SPOPL: variants seen among roughly 807,000 people sequenced by gnomAD.
SPOPL encodes speckle type BTB/POZ protein like.
In SPOPL, 23 loss-of-function variants were observed where a neutral mutation model predicts 53.8. The observed-to-expected ratio is 0.43, with a 90% CI of 0.31 to 0.61. SPOPL has a LOEUF of 0.61. Among genes scored for constraint, SPOPL ranks in the 20% least tolerant of loss-of-function variants. The pLI is 0.12. For synonymous variants in SPOPL, 164 were observed against 149.7 expected (o/e 1.10, Z -0.70); for missense variants, 442 against 466.9 (o/e 0.95, Z 0.49).
intron 1 of SPOPL, 111 bp downstream of exon 1, chr2:138,502,230 C>T (rs946010476): frequency 6.5e-6 from 1 of 152,842 alleles, no homozygotes. Context: ...ACTGCGCCCT[C>T]TGCTCTCTGG....
intron 1 of SPOPL, among the ~76,000 whole-genome samples, chr2:138,509,716 T>A (rs1304485441): frequency 2.6e-5 from 4 of 152,144 alleles, no homozygotes; most frequent in African/African-American, 9.7e-5. Context: ...TTATCACCAT[T>A]CCCCACCAGA....
At chr2:138,514,503 A>C (rs1684397337) in intron 1 of SPOPL, among the ~76,000 whole-genome samples, 1 of 152,182 alleles carries the variant, frequency 6.6e-6, no homozygotes, top group Admixed American at 6.5e-5. Context: ...TTCCTTTCAC[A>C]GATTCAAGCA....
chr2:138,503,715 TAAAC>T (rs1248577452), intron 1 of SPOPL, among the ~76,000 whole-genome samples: 17 of 152,316 alleles, frequency 1.1e-4, no homozygotes, highest in African/African-American at 4.1e-4. Flanking sequence ...GTTTTGAGAA[TAAAC>T]AAAGTGAAAG....
intron 1 of SPOPL, among the ~76,000 whole-genome samples, chr2:138,544,636 C>G (rs982582889): frequency 1.3e-5 from 2 of 152,212 alleles, no homozygotes; most frequent in African/African-American, 2.4e-5. Flanking sequence ...CTCTGTCACC[C>G]CTTTCTTTGA....
At chr2:138,512,868 T>G (rs966368451) in intron 1 of SPOPL, among the ~76,000 whole-genome samples, 2 of 152,242 alleles carry the variant, frequency 1.3e-5, no homozygotes, top group African/African-American at 4.8e-5. Context: ...GAACTCACTA[T>G]TTGGGATTTA....
At chr2:138,564,549 T>C in intron 8 of SPOPL, 159 bp from the exon 9 acceptor site, 9 of 772,692 alleles carry the variant, frequency 1.2e-5, no homozygotes, top group Non-Finnish European at 1.7e-5. Context: ...CATTTGTTTA[T>C]ATTTACTTCG....
intron 1 of SPOPL, among the ~76,000 whole-genome samples, chr2:138,504,999 A>G (rs540542549): frequency 1.3e-5 from 2 of 152,242 alleles, no homozygotes; most frequent in Non-Finnish European, 2.9e-5. Flanking sequence ...AAAATCAGAC[A>G]GTTGAGAAAG....
chr2:138,541,271 G>C (rs1685065548), intron 1 of SPOPL, among the ~76,000 whole-genome samples: 1 of 152,176 alleles, frequency 6.6e-6, no homozygotes, highest in African/African-American at 2.4e-5. Flanking sequence ...ATGAGTTAGG[G>C]AGGATTCCCT....
intron 1 of SPOPL, among the ~76,000 whole-genome samples, chr2:138,520,478 T>C (rs933271776): frequency 3.3e-5 from 5 of 152,324 alleles, no homozygotes; most frequent in African/African-American, 1.2e-4. Context: ...TTTGTAATTT[T>C]TACCAAAAAA....
At chr2:138,517,563 AC>A (rs1684465100) in intron 1 of SPOPL, among the ~76,000 whole-genome samples, 1 of 151,216 alleles carries the variant, frequency 6.6e-6, no homozygotes, top group Non-Finnish European at 1.5e-5. Flanking sequence ...ACATGGTGAA[AC>A]CCCGTCTGTA....
rs1685783572 is a variant in SPOPL, at chr2:138,571,632, C to T, written c.*2552C>T. On this transcript the variant is annotated 3_prime_UTR_variant, in exon 11 of 11. Coordinates refer to ENST00000280098, the MANE Select transcript of SPOPL (RefSeq NM_001001664.3). ...ATTCTGACATGAGTGCTCTAATAGC[C>T]TCCTTCTCCTCATTTTTAAACTGCA... The T allele has an allele frequency of 6.6e-6, 1 of 152,518 alleles. No individual in the cohort carries two copies. The highest frequency in any genetic ancestry group is 1.9e-4 in the East Asian group (1 of 5,186). The allele number at this position is 152,518 out of a possible 1,614,324, so 9.4% of individuals were successfully genotyped here.
intron 1 of SPOPL, among the ~76,000 whole-genome samples, chr2:138,543,087 G>A (rs1685110969): frequency 6.6e-6 from 1 of 152,220 alleles, no homozygotes; most frequent in Non-Finnish European, 1.5e-5. Context: ...GGCTTGTAGA[G>A]TTTCTGCCGA....
chr2:138,545,862 A>G (rs1685183807), intron 1 of SPOPL, among the ~76,000 whole-genome samples: 1 of 152,164 alleles, frequency 6.6e-6, no homozygotes, highest in Non-Finnish European at 1.5e-5. Context: ...TGTGACATCT[A>G]TGTGTATATA....
chr2:138,546,165 T>G (rs954812781), intron 1 of SPOPL, among the ~76,000 whole-genome samples: 3 of 152,262 alleles, frequency 2.0e-5, no homozygotes, highest in Non-Finnish European at 4.4e-5. Flanking sequence ...AGCATTTTGT[T>G]GAAGTAGAAA....
At chr2:138,529,540 G>A (rs1022153690) in intron 1 of SPOPL, among the ~76,000 whole-genome samples, 59 of 145,236 alleles carry the variant, frequency 4.1e-4, no homozygotes, top group Admixed American at 7.8e-4. Context: ...GTGTGTTTGC[G>A]TGCGCGCGCG....
Position 138,550,557 on chromosome 2 carries a change from G to C in SPOPL, c.153G>C (p.Val51=). The change falls in exon 3 of 11, where the codon GTG becomes GTC. Residue 51 remains valine, a synonymous_variant. Transcript: ENST00000280098. ...TTTGTCGAGAGGAAATGGGTGAAGTGTTAAAAAGTTCAACATTTTCATCTG... is the reference window on the plus strand; with the variant it reads ...TTTGTCGAGAGGAAATGGGTGAAGTCTTAAAAAGTTCAACATTTTCATCTG... ...FSFCREEMGE[V]LKSSTFSSGP... is the part of the protein sequence containing the mutation. 4 of 1,610,768 alleles carry C rather than the reference G, an allele frequency of 2.5e-6. No individual in the cohort carries two copies. Among genetic ancestry groups the C allele is most frequent in the Non-Finnish European group, 3.4e-6 (4 of 1,177,516 alleles).
At chr2:138,517,307 C>T (rs1334103026) in intron 1 of SPOPL, among the ~76,000 whole-genome samples, 4 of 152,094 alleles carry the variant, frequency 2.6e-5, no homozygotes, top group South Asian at 2.1e-4. Context: ...TTAGAACTTC[C>T]GACAATTATT....
intron 1 of SPOPL, among the ~76,000 whole-genome samples, chr2:138,514,301 C>T (rs964044768): frequency 6.6e-6 from 1 of 152,178 alleles, no homozygotes; most frequent in Non-Finnish European, 1.5e-5. Flanking sequence ...AAAGGCAGGA[C>T]AACTCGAAGC....
At chr2:138,503,025 A>G (rs1344629385) in intron 1 of SPOPL, among the ~76,000 whole-genome samples, 1 of 152,138 alleles carries the variant, frequency 6.6e-6, no homozygotes, top group Non-Finnish European at 1.5e-5. Context: ...CCATTGTGGT[A>G]CTCACTTTCC....
Sources: allele counts gnomAD v4.1 joint callset (sites outside exome capture counted in the v4.1 genomes callset), GRCh38; gene constraint gnomAD v4.1.1; transcripts MANE v1.5; gene names NCBI Gene and HGNC (gene_info 2026-07-23, HGNC 2026-07-21).